Variants in SORCS1 observed in about 807,000 individuals in gnomAD.
SORCS1 encodes sortilin related VPS10 domain containing receptor 1.
SORCS1 carries 60 observed loss-of-function variants against 146.1 expected under a neutral mutation model. The observed-to-expected ratio is 0.41, with a 90% confidence interval of 0.33 to 0.51. SORCS1 has a LOEUF of 0.51. SORCS1 is among the 20% of genes least tolerant of loss of function. The pLI is 0.21. For missense variants in SORCS1, 1,352 were observed against 1,487.6 expected, an observed-to-expected ratio of 0.91 and a Z score of 1.50; for synonymous variants, 637 against 584.0, an observed-to-expected ratio of 1.09 and a Z score of -1.31.
At chr10:107,178,838 C>T in the SORCS1 span, among the ~76,000 whole-genome samples, 1 of 149,758 alleles carries the variant, frequency 6.7e-6, no homozygotes, top group Admixed American at 6.7e-5. Context: ...ATATATATAC[C>T]ACATTAAAAA....
At chr10:106,808,115 G>A (rs1317984412) in intron 3 of SORCS1, among the ~76,000 whole-genome samples, 1 of 152,234 alleles carries the variant, frequency 6.6e-6, no homozygotes, top group African/African-American at 2.4e-5. Flanking sequence ...CTGCTCTTGG[G>A]TTCAAGCAAT....
Position 106,603,067 on chromosome 10 carries a change from C to T in SORCS1, c.3165+4099G>A, listed in dbSNP as rs11192972. Among the ~76,000 whole-genome samples the T allele has an allele frequency of 8.9e-3, 1,360 of 152,092 alleles. 12 individuals carry two copies. Among genetic ancestry groups the T allele is most frequent in the Non-Finnish European group, 0.012 (794 of 67,992 alleles). On this transcript the variant is annotated intron_variant, in intron 23 of 25. Transcript: ENST00000263054. The stretch of plus-strand genomic sequence containing the variant: ...TTGTTCTTTTTAGATGTTCTAATGT[C>T]CTTTAAGGATCCTGAAAGACAACAC...
chr10:106,692,172 G>T (rs1853343506), intron 9 of SORCS1, among the ~76,000 whole-genome samples: 1 of 152,116 alleles, frequency 6.6e-6, no homozygotes, highest in African/African-American at 2.4e-5. Context: ...CTTCCAAGTA[G>T]CTGAGACTAC....
rs754841231 is a variant in SORCS1, at chr10:106,671,324, C to A, written c.2102G>T (p.Arg701Leu). 4 of 1,614,102 alleles carry A rather than the reference C, an allele frequency of 2.5e-6. No homozygotes were observed. The highest frequency in any genetic ancestry group is 3.4e-6 in the Non-Finnish European group (4 of 1,179,990). The stretch of plus-strand genomic sequence containing the variant: ...TTGCATACACTTCCGCTCTGATTTT[C>A]GCTTCTTATATATCCTTTTTGCTCC... The part of the protein sequence containing the change: ...IMGAKRIYKK[R>L]KSERKCMQGK... Residue 701 changes from arginine (R) to leucine (L), a missense_variant, in exon 16 of 26, where the codon CGA becomes CTA. Coordinates refer to ENST00000263054, the MANE Select transcript of SORCS1 (RefSeq NM_052918.5).
intron 1 of SORCS1, among the ~76,000 whole-genome samples, chr10:106,977,639 A>G (rs557823950): frequency 1.0e-5 from 1 of 99,132 alleles, no homozygotes; most frequent in African/African-American, 4.3e-5. Flanking sequence ...TTTTGTTTTT[A>G]TAATTTCTTG....
chr10:106,698,660 GTTTAT>G (rs1853891843), intron 9 of SORCS1, among the ~76,000 whole-genome samples: 1 of 152,126 alleles, frequency 6.6e-6, no homozygotes, highest in African/African-American at 2.4e-5. Flanking sequence ...TGTTGTAGTT[GTTTAT>G]TTTATTTTTC....
At chr10:107,169,348 G>C (rs11193227), upstream of SORCS1, among the ~76,000 whole-genome samples, 55 of 152,274 alleles carry the variant, frequency 3.6e-4, 1 homozygote, top group East Asian at 6.2e-3. Context: ...CTCATTGCCT[G>C]CCAACAGAAT....
At chr10:107,124,327 G>A (rs1198006356) in intron 1 of SORCS1, among the ~76,000 whole-genome samples, 1 of 152,088 alleles carries the variant, frequency 6.6e-6, no homozygotes, top group Non-Finnish European at 1.5e-5. Flanking sequence ...CTGCAATTGA[G>A]ACAAGACCAT....
intron 2 of SORCS1, among the ~76,000 whole-genome samples, chr10:106,947,291 T>A (rs990583879): frequency 1.3e-5 from 2 of 152,212 alleles, no homozygotes; most frequent in Non-Finnish European, 2.9e-5. Flanking sequence ...AACAATATCA[T>A]CTTAAGAATT....
chr10:107,174,580 A>C, the SORCS1 span, among the ~76,000 whole-genome samples: 1 of 152,136 alleles, frequency 6.6e-6, no homozygotes, highest in Non-Finnish European at 1.5e-5. Context: ...TCTTTATCTT[A>C]ATTTTTAATT....
intron 2 of SORCS1, among the ~76,000 whole-genome samples, chr10:106,881,543 A>C (rs1188451568): frequency 6.6e-6 from 1 of 152,224 alleles, no homozygotes; most frequent in Non-Finnish European, 1.5e-5. Flanking sequence ...AACATCTCTT[A>C]GTCATTTGTT....
intron 3 of SORCS1, among the ~76,000 whole-genome samples, chr10:106,821,650 G>C (rs1948029793): frequency 6.6e-6 from 1 of 152,162 alleles, no homozygotes; most frequent in Non-Finnish European, 1.5e-5. Context: ...GGCAGGGCAT[G>C]GTGGCTCATG....
chr10:106,587,523 T>C (rs899106560), intron 24 of SORCS1, among the ~76,000 whole-genome samples: 1 of 152,274 alleles, frequency 6.6e-6, no homozygotes, highest in Admixed American at 6.5e-5. Flanking sequence ...GCAGAATTCA[T>C]GATGTATCAC....
At chr10:107,081,348 T>C (rs1484296154) in intron 1 of SORCS1, among the ~76,000 whole-genome samples, 1 of 152,232 alleles carries the variant, frequency 6.6e-6, no homozygotes, top group Non-Finnish European at 1.5e-5. Context: ...GAATTTTCTA[T>C]AATTCATTCA....
At chr10:107,085,101 C>A (rs1963660859) in intron 1 of SORCS1, among the ~76,000 whole-genome samples, 3 of 152,168 alleles carry the variant, frequency 2.0e-5, no homozygotes, top group Admixed American at 2.0e-4. Flanking sequence ...AGCACAAGTA[C>A]CTTAGCCTAT....
In SORCS1 at chr10:106,600,650, T is replaced by G. The variant is rs550881180; in HGVS notation, c.3166-3200A>C. 54 of 985,446 alleles carry G rather than the reference T, an allele frequency of 5.5e-5. No homozygotes were observed. In the South Asian group the frequency reaches 2.2e-3, roughly 40 times the overall value. 61.0% of individuals were successfully genotyped at this position (985,446 alleles called of 1,614,324 possible). On this transcript the variant is annotated intron_variant, in intron 23 of 25. Transcript: ENST00000263054. ...ACACTATTTTGGTAAAGTTGCTTGC[T>G]TCTTACTATCTTTTCTAGCAGAACA... is the stretch of plus-strand genomic sequence containing the variant.
At chr10:106,990,598 G>A (rs370204891) in intron 1 of SORCS1, among the ~76,000 whole-genome samples, 2 of 152,146 alleles carry the variant, frequency 1.3e-5, no homozygotes, top group Admixed American at 6.5e-5. Context: ...AACGAATGCT[G>A]GTCCTTTTGT....
At chr10:107,104,464 G>A (rs758165727) in intron 1 of SORCS1, among the ~76,000 whole-genome samples, 7 of 152,138 alleles carry the variant, frequency 4.6e-5, no homozygotes, top group Non-Finnish European at 1.0e-4. Flanking sequence ...TCAGCCTCAT[G>A]GCAGACCAGT....
intron 4 of SORCS1, among the ~76,000 whole-genome samples, chr10:106,772,845 C>T (rs1457506707): frequency 1.3e-5 from 2 of 152,056 alleles, no homozygotes; most frequent in Non-Finnish European, 2.9e-5. Flanking sequence ...ACAATTAGAG[C>T]AGGGTACCGC....
Sources: gnomAD v4.1 joint callset for allele counts (sites outside exome capture counted in the v4.1 genomes callset) on GRCh38, gnomAD v4.1.1 for gene constraint, MANE v1.5 for transcripts, NCBI Gene and HGNC (gene_info 2026-07-23, HGNC 2026-07-21) for gene names.